Variants in WDPCP observed in about 807,000 individuals in gnomAD.
WDPCP encodes WD repeat containing planar cell polarity effector, also known as WD repeat-containing and planar cell polarity effector protein fritz homolog.
WDPCP carries 71 observed loss-of-function variants against 93.1 expected under a neutral mutation model. The ratio of observed to expected loss-of-function variants is 0.76; its 90% CI spans 0.63 to 0.93. The LOEUF (loss-of-function observed/expected upper bound fraction) is 0.93, where lower values mean the gene tolerates loss of function less well. Ranked by LOEUF, WDPCP falls within the 40% of genes least tolerant of loss-of-function variation. WDPCP has a pLI of 0.00. For missense variants in WDPCP, 844 were observed against 887.4 expected (o/e 0.95, Z 0.62); for synonymous variants, 315 against 315.0 (o/e 1.00, Z 0.00).
chr2:63,494,024 T>C (rs1701054627), intron 1 of WDPCP, among the ~76,000 whole-genome samples: 1 of 152,176 alleles, frequency 6.6e-6, no homozygotes, highest in African/African-American at 2.4e-5. Flanking sequence ...ATTTCAGACA[T>C]AGTACAAACT....
chr2:63,587,922 A>G (rs1708979223), intron 1 of WDPCP, among the ~76,000 whole-genome samples: 1 of 152,244 alleles, frequency 6.6e-6, no homozygotes, highest in Non-Finnish European at 1.5e-5. Flanking sequence ...ACCTCCTGGA[A>G]GGGAGAGGCT....
chr2:63,406,238 C>G (rs191495817), intron 9 of WDPCP, among the ~76,000 whole-genome samples: 2 of 152,310 alleles, frequency 1.3e-5, no homozygotes, highest in Admixed American at 1.3e-4. Context: ...TTACTCCACT[C>G]TTCAAACCGT....
At chr2:63,142,215 G>A (rs549358157) in intron 17 of WDPCP, among the ~76,000 whole-genome samples, 1 of 152,068 alleles carries the variant, frequency 6.6e-6, no homozygotes, top group Non-Finnish European at 1.5e-5. Flanking sequence ...AGTTCCTTGA[G>A]GTATGACCTT....
In WDPCP at chr2:63,733,301, G is replaced by T. The variant is rs1669589516; in HGVS notation, n.308+80321C>A. On this transcript the variant is annotated intron_variant and non_coding_transcript_variant, in intron 2 of 4. Transcript: ENST00000467687. Reference sequence around the variant, plus strand: ...TGCAAGCTCCGCTTCCCGGGTTCACGCCATTCTCCTGCCTCAGCCTCCCGA... The same window carrying T: ...TGCAAGCTCCGCTTCCCGGGTTCACTCCATTCTCCTGCCTCAGCCTCCCGA... Among the ~76,000 whole-genome samples, 4 of 141,982 alleles carry T rather than the reference G, an allele frequency of 2.8e-5. No homozygotes were observed. In the South Asian group the frequency reaches 9.0e-4, roughly 32 times the overall value. The allele number at this position is 141,982 out of a possible 152,430, so 93.1% of individuals were successfully genotyped here. A position where few individuals can be genotyped will look rare whatever the true frequency, so the allele number is the denominator to read the frequency against.
At chr2:63,824,505 G>C (rs553575660) in intron 1 of WDPCP, among the ~76,000 whole-genome samples, 2 of 116,662 alleles carry the variant, frequency 1.7e-5, no homozygotes, top group African/African-American at 6.8e-5. Context: ...CTGTGATCAC[G>C]CCACTGCACT....
chr2:63,774,587 A>C (rs1670277979), intron 2 of WDPCP, among the ~76,000 whole-genome samples: 1 of 152,150 alleles, frequency 6.6e-6, no homozygotes, highest in South Asian at 2.1e-4. Context: ...GAATAACTTA[A>C]AGACATAACC....
chr2:63,295,263 A>T (rs1246382442), intron 13 of WDPCP, among the ~76,000 whole-genome samples: 2 of 152,152 alleles, frequency 1.3e-5, no homozygotes, highest in African/African-American at 4.8e-5. Flanking sequence ...TGTATGGTAT[A>T]AAAAACGACT....
At chr2:63,248,663 G>C (rs1680475542) in intron 14 of WDPCP, among the ~76,000 whole-genome samples, 2 of 152,002 alleles carry the variant, frequency 1.3e-5, no homozygotes, top group South Asian at 4.2e-4. Context: ...GTATATATTG[G>C]TATATTTGAT....
chr2:63,779,349 C>T (rs2103968828), intron 2 of WDPCP, among the ~76,000 whole-genome samples: 1 of 152,258 alleles, frequency 6.6e-6, no homozygotes, highest in East Asian at 1.9e-4. Flanking sequence ...AAACATAAGA[C>T]ATACTTTCAG....
intron 12 of WDPCP, among the ~76,000 whole-genome samples, chr2:63,353,059 T>C (rs1558507729): frequency 6.6e-6 from 1 of 152,044 alleles, no homozygotes; most frequent in Non-Finnish European, 1.5e-5. Flanking sequence ...AACAGGACGA[T>C]GGCCCACCCG....
At chr2:63,565,909 T>A (rs1707009206) in intron 1 of WDPCP, among the ~76,000 whole-genome samples, 1 of 152,202 alleles carries the variant, frequency 6.6e-6, no homozygotes, top group Admixed American at 6.5e-5. Context: ...CTATTCTATA[T>A]CCTAAATATT....
At chr2:63,414,496 C>CACAT (rs750796197) in intron 9 of WDPCP, among the ~76,000 whole-genome samples, 2 of 149,620 alleles carry the variant, frequency 1.3e-5, no homozygotes, top group Non-Finnish European at 3.0e-5. Context: ...CACACACACA[C>CACAT]ATATATATAC....
chr2:63,586,769 C>T (rs1708870977), intron 1 of WDPCP, among the ~76,000 whole-genome samples: 1 of 152,164 alleles, frequency 6.6e-6, no homozygotes, highest in Admixed American at 6.5e-5. Flanking sequence ...TGTTTGTGGC[C>T]TTCTTGGAGT....
intron 2 of WDPCP, among the ~76,000 whole-genome samples, chr2:63,793,240 G>A (rs1670568636): frequency 6.6e-6 from 1 of 151,946 alleles, no homozygotes; most frequent in African/African-American, 2.4e-5. Flanking sequence ...TCTTGCCTCA[G>A]CCTCCTGTGT....
intron 2 of WDPCP, among the ~76,000 whole-genome samples, chr2:63,794,163 C>T (rs1342005169): frequency 6.6e-6 from 1 of 152,180 alleles, no homozygotes; most frequent in Non-Finnish European, 1.5e-5. Flanking sequence ...CATGTTTGTA[C>T]TTTGCCATTT....
chr2:63,187,049 T>C (rs955453242), intron 14 of WDPCP, among the ~76,000 whole-genome samples: 4 of 152,168 alleles, frequency 2.6e-5, no homozygotes, highest in African/African-American at 9.7e-5. Flanking sequence ...CTCTGATATT[T>C]AGTGCATAAA....
intron 2 of WDPCP, among the ~76,000 whole-genome samples, chr2:63,741,733 A>G (rs1334824063): frequency 6.6e-6 from 1 of 152,132 alleles, no homozygotes; most frequent in Non-Finnish European, 1.5e-5. Flanking sequence ...AAATCATTTA[A>G]AAATTCAAGC....
chr2:63,285,798 A>G (rs1219872607), intron 13 of WDPCP, among the ~76,000 whole-genome samples: 1 of 152,202 alleles, frequency 6.6e-6, no homozygotes, highest in African/African-American at 2.4e-5. Flanking sequence ...CTAGTTCTAA[A>G]GTAAAGAGGA....
chr2:63,549,923 T>G (rs533573436), intron 1 of WDPCP, among the ~76,000 whole-genome samples: 1 of 152,292 alleles, frequency 6.6e-6, no homozygotes, highest in East Asian at 1.9e-4. Context: ...TAGTTGTTTA[T>G]GCAGTAATAA....
Sources: gnomAD v4.1 joint callset for allele counts (sites outside exome capture counted in the v4.1 genomes callset) on GRCh38, gnomAD v4.1.1 for gene constraint, MANE v1.5 for transcripts, NCBI Gene and HGNC (gene_info 2026-07-23, HGNC 2026-07-21) for gene names.